RBFOX1: variants seen among roughly 807,000 people sequenced by gnomAD.
RBFOX1 encodes the protein RNA binding protein fox-1 homolog 1.
Under a neutral mutation model 57.7 loss-of-function variants are expected in RBFOX1, and 8 were observed. The ratio of observed to expected loss-of-function variants is 0.14; its 90% CI spans 0.08 to 0.25. The LOEUF is 0.25. Among genes scored for constraint, RBFOX1 ranks in the 10% least tolerant of loss-of-function variants. RBFOX1 has a pLI of 1.00. For synonymous variants in RBFOX1, 326 were observed against 222.4 expected, an observed-to-expected ratio of 1.47 and a Z score of -4.15; for missense variants, 611 against 548.5, an observed-to-expected ratio of 1.11 and a Z score of -1.14.
rs61603572 is a variant in RBFOX1 at position 6,387,974 on chromosome 16, A to ATTTTTT, written c.-64+70936_-64+70941dup. Among the ~76,000 whole-genome samples the ATTTTTT allele has an allele frequency of 2.3e-4, 19 of 84,140 alleles. 1 individual carries two copies. The highest frequency in any genetic ancestry group is 6.4e-4 in the African/African-American group (12 of 18,684). The allele number at this position is 84,140 out of a possible 152,430, so 55.2% of individuals were successfully genotyped here. A position where few individuals can be genotyped will look rare whatever the true frequency, so the allele number is the denominator to read the frequency against. ...ACCAGTGACATGAAGTTTGTGGAAC[A>ATTTTTT]TTTTTTTTTTTTTTTTTTTTTTTTG... is the stretch of plus-strand genomic sequence containing the variant. On this transcript the variant is annotated intron_variant, in intron 2 of 15. Coordinates refer to ENST00000550418, the MANE Select transcript of RBFOX1 (RefSeq NM_018723.4).
At chr16:7,152,524 C>T (rs529186447) in intron 4 of RBFOX1, among the ~76,000 whole-genome samples, 1 of 152,020 alleles carries the variant, frequency 6.6e-6, no homozygotes, top group South Asian at 2.1e-4. Flanking sequence ...TCTGGTGCTA[C>T]CAAAGAGTTA....
chr16:6,973,693 G>C (rs984340169), intron 3 of RBFOX1, among the ~76,000 whole-genome samples: 4 of 152,192 alleles, frequency 2.6e-5, no homozygotes, highest in Non-Finnish European at 5.9e-5. Flanking sequence ...TTCGAGTAAA[G>C]TGTGTTGAAT....
At chr16:6,940,377 C>CGACAATTCCAGGAACTT in intron 3 of RBFOX1, among the ~76,000 whole-genome samples, 1 of 152,202 alleles carries the variant, frequency 6.6e-6, no homozygotes, top group Middle Eastern at 3.4e-3. Flanking sequence ...ACTTCCCATC[C>CGACAATTCCAGGAACTT]GACAATTCCA....
chr16:5,615,928 T>TTA (rs2048007207), intron 3 of RBFOX1, among the ~76,000 whole-genome samples: 1 of 152,196 alleles, frequency 6.6e-6, no homozygotes, highest in South Asian at 2.1e-4. Context: ...GGAGCTTCTG[T>TTA]TAATGGGAAC....
At chr16:5,353,075 A>C (rs988607511) in intron 1 of RBFOX1, among the ~76,000 whole-genome samples, 1 of 152,300 alleles carries the variant, frequency 6.6e-6, no homozygotes, top group Middle Eastern at 3.4e-3. Flanking sequence ...TCACATTTTT[A>C]AAGACTTCTT....
chr16:7,051,995 C>T, intron 3 of RBFOX1, 62 bp from the exon 4 acceptor site: 2 of 1,581,114 alleles, frequency 1.3e-6, no homozygotes, highest in Non-Finnish European at 1.7e-6. Flanking sequence ...TTTCTGTTTT[C>T]TTTCATGTTT....
At chr16:7,011,136 T>C (rs1056138557) in intron 3 of RBFOX1, among the ~76,000 whole-genome samples, 4 of 152,002 alleles carry the variant, frequency 2.6e-5, no homozygotes, top group Non-Finnish European at 5.9e-5. Context: ...GTGTCTTACA[T>C]AGTTGAAAAG....
intron 5 of RBFOX1, among the ~76,000 whole-genome samples, chr16:7,544,031 T>G (rs2083731850): frequency 1.3e-5 from 2 of 152,232 alleles, no homozygotes; most frequent in African/African-American, 2.4e-5. Context: ...GTCTGTGTAT[T>G]CTAAGGTGTT....
intron 1 of RBFOX1, among the ~76,000 whole-genome samples, chr16:5,364,483 T>G (rs555882815): frequency 6.6e-6 from 1 of 152,358 alleles, no homozygotes; most frequent in East Asian, 1.9e-4. Context: ...CAAGAGGAAC[T>G]TACTTTCTTG....
In RBFOX1 at chr16:7,709,556, G is replaced by A. The variant is rs768792476; in HGVS notation, c.1071+425G>A. The A allele has an allele frequency of 7.8e-6, 12 of 1,531,884 alleles. 1 individual carries two copies. In the South Asian group the frequency reaches 9.5e-5, roughly 12 times the overall value. The allele number at this position is 1,531,884 out of a possible 1,614,324, so 94.9% of individuals were successfully genotyped here. A position where few individuals can be genotyped will look rare whatever the true frequency, so the allele number is the denominator to read the frequency against. The stretch of plus-strand genomic sequence containing the variant: ...CTAAGCTGCACACTTCCAGGCCTCT[G>A]CTGTCAGGCAGCTGAGAATCTGACT... On this transcript the variant is annotated intron_variant, in intron 15 of 15. Transcript: ENST00000550418.
At chr16:6,928,439 C>G (rs1005125618) in intron 3 of RBFOX1, among the ~76,000 whole-genome samples, 1 of 152,134 alleles carries the variant, frequency 6.6e-6, no homozygotes, top group Non-Finnish European at 1.5e-5. Flanking sequence ...AGCTGGCAGC[C>G]AAGAGCTCAG....
intron 3 of RBFOX1, among the ~76,000 whole-genome samples, chr16:6,701,536 C>T (rs770395938): frequency 6.6e-6 from 1 of 152,098 alleles, no homozygotes; most frequent in Non-Finnish European, 1.5e-5. Flanking sequence ...TCTGGTGAGG[C>T]CTCAGGAAGC....
At chr16:6,876,328 A>G (rs1286249370) in intron 3 of RBFOX1, among the ~76,000 whole-genome samples, 1 of 152,220 alleles carries the variant, frequency 6.6e-6, no homozygotes, top group Non-Finnish European at 1.5e-5. Context: ...ACAATGAATG[A>G]CTTGTTGACT....
chr16:7,070,515 A>G lies in RBFOX1; in HGVS notation c.27+18417A>G, dbSNP rs1034669927. Among the ~76,000 whole-genome samples the G allele has an allele frequency of 6.6e-5, 10 of 152,158 alleles. No homozygotes were observed. The South Asian group carries it at 1.2e-3, about 19-fold the overall frequency. On this transcript the variant is annotated intron_variant, in intron 4 of 15. Coordinates refer to ENST00000550418, the MANE Select transcript of RBFOX1 (RefSeq NM_018723.4). Reference sequence around the variant, plus strand: ...TAATCTTGATTGCATATGTGTCTTGACATCTTTACGCCAAAGGCATGTTTT... The same window carrying G: ...TAATCTTGATTGCATATGTGTCTTGGCATCTTTACGCCAAAGGCATGTTTT...
At chr16:5,713,532 G>C (rs1475979669) in intron 3 of RBFOX1, among the ~76,000 whole-genome samples, 2 of 152,126 alleles carry the variant, frequency 1.3e-5, no homozygotes, top group East Asian at 1.9e-4. Flanking sequence ...GAGGGTATCT[G>C]TCTCTCCAAA....
At chr16:7,550,262 T>C (rs2085928268) in intron 5 of RBFOX1, among the ~76,000 whole-genome samples, 1 of 152,000 alleles carries the variant, frequency 6.6e-6, no homozygotes, top group South Asian at 2.1e-4. Flanking sequence ...TTTTTTTTTT[T>C]TGGCTGGGCT....
chr16:6,550,695 C>T (rs923289574), intron 2 of RBFOX1, among the ~76,000 whole-genome samples: 1 of 152,218 alleles, frequency 6.6e-6, no homozygotes, highest in Non-Finnish European at 1.5e-5. Context: ...TCAATTTCTT[C>T]TTCTGCATCC....
At chr16:6,426,893 A>C (rs907698156) in intron 2 of RBFOX1, among the ~76,000 whole-genome samples, 3 of 152,204 alleles carry the variant, frequency 2.0e-5, no homozygotes, top group Non-Finnish European at 4.4e-5. Context: ...TTTGGGGGTC[A>C]CGCTGTCATC....
intron 5 of RBFOX1, among the ~76,000 whole-genome samples, chr16:7,552,055 A>G (rs1195373937): frequency 1.3e-5 from 2 of 152,174 alleles, no homozygotes; most frequent in Non-Finnish European, 2.9e-5. Flanking sequence ...CCACAATTGT[A>G]TAAGGAGATT....
Sources: gnomAD v4.1 joint callset for allele counts (sites outside exome capture counted in the v4.1 genomes callset) on GRCh38, gnomAD v4.1.1 for gene constraint, MANE v1.5 for transcripts, NCBI Gene and HGNC (gene_info 2026-07-23, HGNC 2026-07-21) for gene names.